The following PLGRKT variants were observed in gnomAD, a reference collection of about 807,000 sequenced individuals.
PLGRKT encodes plasminogen receptor (KT).
Under a neutral mutation model 18.5 loss-of-function variants are expected in PLGRKT, and 22 were observed. The ratio of observed to expected loss-of-function variants is 1.19; its 90% CI spans 0.85 to 1.70. The LOEUF is 1.70. PLGRKT is among the 40% of genes most tolerant of loss of function. PLGRKT has a pLI of 0.00. For synonymous variants in PLGRKT, 72 were observed against 52.8 expected (o/e 1.36, Z -1.58); for missense variants, 235 against 174.4 (o/e 1.35, Z -1.96).
intron 3 of PLGRKT, among the ~76,000 whole-genome samples, chr9:5,365,546 T>C (rs974905038): frequency 4.6e-5 from 7 of 152,056 alleles, no homozygotes; most frequent in Non-Finnish European, 1.0e-4. Context: ...GAAAACAGTA[T>C]GAAAGGGCAG....
At chr9:5,384,432 A>G in intron 3 of PLGRKT, among the ~76,000 whole-genome samples, 1 of 152,220 alleles carries the variant, frequency 6.6e-6, no homozygotes, top group East Asian at 1.9e-4. Flanking sequence ...TCAGTAGTGC[A>G]TGCTATATAT....
At chr9:5,364,206 A>C (rs1256510473) in intron 3 of PLGRKT, among the ~76,000 whole-genome samples, 1 of 152,226 alleles carries the variant, frequency 6.6e-6, no homozygotes. Context: ...TGGAGGTAAA[A>C]TCAGGCATCC....
At chr9:5,427,006 C>T (rs1165066877) in intron 3 of PLGRKT, among the ~76,000 whole-genome samples, 1 of 152,240 alleles carries the variant, frequency 6.6e-6, no homozygotes, top group African/African-American at 2.4e-5. Context: ...TAATTTATTA[C>T]AGCAGTCCCC....
At chr9:5,377,775 G>C (rs1408614646) in intron 3 of PLGRKT, among the ~76,000 whole-genome samples, 1 of 152,160 alleles carries the variant, frequency 6.6e-6, no homozygotes, top group Non-Finnish European at 1.5e-5. Flanking sequence ...AGAGGTGGCA[G>C]TGTTTGTCCC....
At chr9:5,409,633 G>A (rs989135769) in intron 3 of PLGRKT, among the ~76,000 whole-genome samples, 76 of 152,298 alleles carry the variant, frequency 5.0e-4, no homozygotes, top group African/African-American at 1.8e-3. Flanking sequence ...GAGCAGTTGT[G>A]GGGGCTGAAC....
chr9:5,363,867 C>G (rs372247829), intron 3 of PLGRKT, among the ~76,000 whole-genome samples: 1 of 152,236 alleles, frequency 6.6e-6, no homozygotes, highest in East Asian at 1.9e-4. Flanking sequence ...TTTGCTGTCA[C>G]CAAGAGAAAC....
At chr9:5,435,125 T>C (rs886222135) in intron 2 of PLGRKT, among the ~76,000 whole-genome samples, 1 of 151,916 alleles carries the variant, frequency 6.6e-6, no homozygotes, top group African/African-American at 2.4e-5. Flanking sequence ...GACAGCATGC[T>C]CGTTAAGAGT....
intron 5 of PLGRKT, 134 bp downstream of exon 5, chr9:5,360,944 C>A (rs1442105153): frequency 1.5e-5 from 9 of 581,804 alleles, no homozygotes; most frequent in Middle Eastern, 4.1e-4. Context: ...TGAAAGGGAG[C>A]AGAAATGTTG....
intron 3 of PLGRKT, among the ~76,000 whole-genome samples, chr9:5,388,539 C>A (rs542005165): frequency 6.6e-6 from 1 of 152,064 alleles, no homozygotes; most frequent in South Asian, 2.1e-4. Context: ...CACAAACTGG[C>A]CTACTCTTTC....
At chr9:5,430,320 A>G (rs945231603) in intron 3 of PLGRKT, among the ~76,000 whole-genome samples, 4 of 152,240 alleles carry the variant, frequency 2.6e-5, no homozygotes, top group Admixed American at 1.3e-4. Context: ...GGTCTTTGAC[A>G]AGGACGTGCT....
At position 5,389,455 on chromosome 9, in the gene PLGRKT, C is replaced by G. The variant is rs549798289; in HGVS notation, c.82-27567G>C. On this transcript the variant is annotated intron_variant, in intron 3 of 5. Coordinates refer to ENST00000223864, the MANE Select transcript of PLGRKT (RefSeq NM_018465.4). ...TCTAGCTGATAGTGCCAGGTCAGCC[C>G]CCACCTGTCAGGGTATGTAAAAAAT... is the stretch of plus-strand genomic sequence containing the variant. Among the ~76,000 whole-genome samples, 61 of 151,914 alleles carry G rather than the reference C, an allele frequency of 4.0e-4. 2 individuals are homozygous for G. Among genetic ancestry groups the G allele is most frequent in the African/African-American group, 1.5e-3 (60 of 41,240 alleles).
rs544212490 is a variant in PLGRKT, at chr9:5,405,879, C to G, written c.81+26018G>C. On this transcript the variant is annotated intron_variant, in intron 3 of 5. Coordinates refer to ENST00000223864, the MANE Select transcript of PLGRKT (RefSeq NM_018465.4). ...ATCCATCTGACAAAGGTCTAATATC[C>G]AGAATCTACAAGGAACTTAAGAAAA... is the stretch of plus-strand genomic sequence containing the variant. Among the ~76,000 whole-genome samples the G allele has an allele frequency of 3.3e-5, 5 of 152,108 alleles. No individual in the cohort carries two copies. In the East Asian group the frequency reaches 9.6e-4, roughly 29 times the overall value.
intron 5 of PLGRKT, among the ~76,000 whole-genome samples, chr9:5,359,641 C>T (rs1156938766): frequency 6.6e-6 from 1 of 152,130 alleles, no homozygotes; most frequent in Non-Finnish European, 1.5e-5. Context: ...AGGGTCATCA[C>T]TATTAACATG....
intron 3 of PLGRKT, among the ~76,000 whole-genome samples, chr9:5,424,278 A>G (rs1228522459): frequency 7.3e-6 from 1 of 137,196 alleles, no homozygotes; most frequent in Non-Finnish European, 1.5e-5. Context: ...TATATTATAT[A>G]TAATATATAT....
At chr9:5,402,824 C>T (rs769338260) in intron 3 of PLGRKT, among the ~76,000 whole-genome samples, 6 of 151,828 alleles carry the variant, frequency 4.0e-5, no homozygotes, top group Non-Finnish European at 5.9e-5. Flanking sequence ...AAGTCCTTAA[C>T]GTTTTTGAAA....
intron 3 of PLGRKT, among the ~76,000 whole-genome samples, chr9:5,428,177 T>G (rs931313307): frequency 1.3e-5 from 2 of 152,068 alleles, no homozygotes; most frequent in South Asian, 4.1e-4. Context: ...ACTAAAAGCG[T>G]CAGAAACTTG....
intron 3 of PLGRKT, among the ~76,000 whole-genome samples, chr9:5,403,688 T>G (rs1818200630): frequency 6.6e-6 from 1 of 152,218 alleles, no homozygotes; most frequent in African/African-American, 2.4e-5. Flanking sequence ...TTGAGTAAAC[T>G]TCTATCCTGG....
At chr9:5,366,492 T>G (rs1817389911) in intron 3 of PLGRKT, among the ~76,000 whole-genome samples, 1 of 152,144 alleles carries the variant, frequency 6.6e-6, no homozygotes. Flanking sequence ...CTCTGAGGAT[T>G]TTACAGGCTT....
At chr9:5,433,673 C>G (rs1474901433) in intron 2 of PLGRKT, among the ~76,000 whole-genome samples, 2 of 143,246 alleles carry the variant, frequency 1.4e-5, no homozygotes, top group Non-Finnish European at 3.0e-5. Flanking sequence ...TGAGGAGTGC[C>G]TCTGCCCGGC....
Sources: gnomAD v4.1 joint callset for allele counts (sites outside exome capture counted in the v4.1 genomes callset) on GRCh38, gnomAD v4.1.1 for gene constraint, MANE v1.5 for transcripts, NCBI Gene and HGNC (gene_info 2026-07-23, HGNC 2026-07-21) for gene names.